Variants in ANKIB1 observed in about 807,000 individuals in gnomAD.
ANKIB1 encodes the protein ankyrin repeat and IBR domain-containing protein 1.
ANKIB1 carries 43 observed loss-of-function variants against 122.1 expected under a neutral mutation model. The ratio of observed to expected loss-of-function variants is 0.35; its 90% CI spans 0.28 to 0.45. The LOEUF is 0.45. Ranked by LOEUF, ANKIB1 falls within the 20% of genes least tolerant of loss-of-function variation. The pLI is 1.00. For synonymous variants in ANKIB1, 390 were observed against 442.0 expected (o/e 0.88, Z 1.48); for missense variants, 992 against 1,329.5 (o/e 0.75, Z 3.95).
At chr7:92,330,971 A>C (rs1214927247) in intron 5 of ANKIB1, among the ~76,000 whole-genome samples, 1 of 152,228 alleles carries the variant, frequency 6.6e-6, no homozygotes, top group Non-Finnish European at 1.5e-5. Flanking sequence ...GTTAGGGTTC[A>C]TAGCACCAGA....
chr7:92,368,545 C>T lies in ANKIB1; in HGVS notation c.1487-2932C>T, dbSNP rs573930212. ...CAGCCAAGTCAACATGGTGAAACCCCGTCTCTACTAAAAATACAAAAAAAA... is the reference window on the plus strand; with the variant it reads ...CAGCCAAGTCAACATGGTGAAACCCTGTCTCTACTAAAAATACAAAAAAAA... On this transcript the variant is annotated intron_variant, in intron 10 of 19. Coordinates refer to ENST00000265742, the MANE Select transcript of ANKIB1 (RefSeq NM_019004.2). 4.6e-5 allele frequency among the ~76,000 whole-genome samples: 7 copies of T among 151,874 alleles called. No individual in the cohort carries two copies. In the South Asian group the frequency reaches 1.2e-3, roughly 27 times the overall value.
At position 92,400,314 on chromosome 7, in the gene ANKIB1, C is replaced by T. The variant is rs1439864319; in HGVS notation, c.*1365C>T. 1 of 152,152 alleles carries T rather than the reference C, an allele frequency of 6.6e-6. No homozygotes were observed. Among genetic ancestry groups the T allele is most frequent in the East Asian group, 1.9e-4 (1 of 5,198 alleles). 9.4% of individuals were successfully genotyped at this position (152,152 alleles called of 1,614,324 possible). A position where few individuals can be genotyped will look rare whatever the true frequency, so the allele number is the denominator to read the frequency against. On this transcript the variant is annotated 3_prime_UTR_variant, in exon 20 of 20. Coordinates refer to ENST00000265742, the MANE Select transcript of ANKIB1 (RefSeq NM_019004.2). ...GTCTTACTGTGAAGAAAATACTGGT[C>T]TTAGTTGTAATTAGGATACAATGGT...
intron 1 of ANKIB1, among the ~76,000 whole-genome samples, chr7:92,273,192 A>G (rs906970452): frequency 1.3e-5 from 2 of 152,212 alleles, no homozygotes; most frequent in South Asian, 2.1e-4. Flanking sequence ...AATTCAAGAA[A>G]TAGAAAACTT....
chr7:92,271,036 A>G (rs1383597389), intron 1 of ANKIB1, among the ~76,000 whole-genome samples: 3 of 152,010 alleles, frequency 2.0e-5, no homozygotes, highest in Non-Finnish European at 4.4e-5. Context: ...CCCTAATCCC[A>G]GGTCATGAAA....
intron 5 of ANKIB1, 41 bp downstream of exon 5, chr7:92,327,941 A>C (rs1803062846): frequency 7.5e-7 from 1 of 1,328,638 alleles, no homozygotes; most frequent in Non-Finnish European, 1.0e-6. Context: ...AACATGAGTA[A>C]CTTTTGAAAC....
chr7:92,253,350 A>G (rs1361972480), intron 1 of ANKIB1, among the ~76,000 whole-genome samples: 1 of 152,108 alleles, frequency 6.6e-6, no homozygotes, highest in East Asian at 1.9e-4. Context: ...CTACTAACAC[A>G]CATCATTAAC....
intron 1 of ANKIB1, among the ~76,000 whole-genome samples, chr7:92,291,388 T>C (rs1031535804): frequency 6.6e-6 from 1 of 152,150 alleles, no homozygotes; most frequent in Non-Finnish European, 1.5e-5. Context: ...GTGATTATTA[T>C]GCATTGCATG....
rs571185556 is a variant in ANKIB1 at position 92,346,555 on chromosome 7, T to A, written c.1085+1489T>A. On this transcript the variant is annotated intron_variant, in intron 7 of 19. Coordinates refer to ENST00000265742, the MANE Select transcript of ANKIB1 (RefSeq NM_019004.2). ...AGATTCTACTCAGAGTCTACTTAGATAGGATCAGATCAGTATAGCTGTTAC... is the reference window on the plus strand; with the variant it reads ...AGATTCTACTCAGAGTCTACTTAGAAAGGATCAGATCAGTATAGCTGTTAC... Among the ~76,000 whole-genome samples the A allele has an allele frequency of 6.5e-4, 99 of 152,346 alleles. 1 individual carries two copies. Among genetic ancestry groups the A allele is most frequent in the Non-Finnish European group, 8.8e-5 (6 of 68,040 alleles).
chr7:92,301,010 G>A (rs553797810), intron 2 of ANKIB1, among the ~76,000 whole-genome samples: 26 of 152,178 alleles, frequency 1.7e-4, no homozygotes, highest in African/African-American at 5.8e-4. Context: ...CATCTATGTC[G>A]AAAATGGCAG....
At chr7:92,260,223 T>C (rs1025269311) in intron 1 of ANKIB1, among the ~76,000 whole-genome samples, 2 of 152,176 alleles carry the variant, frequency 1.3e-5, no homozygotes, top group African/African-American at 4.8e-5. Flanking sequence ...ATCCTACTAG[T>C]TTCTTCCTTA....
At chr7:92,310,694 A>T (rs780998532) in intron 3 of ANKIB1, among the ~76,000 whole-genome samples, 2 of 152,178 alleles carry the variant, frequency 1.3e-5, no homozygotes, top group Admixed American at 6.5e-5. Context: ...ACCTACACAC[A>T]TCCTCCTTAT....
At chr7:92,362,726 A>G (rs1803980681) in intron 10 of ANKIB1, among the ~76,000 whole-genome samples, 1 of 152,222 alleles carries the variant, frequency 6.6e-6, no homozygotes, top group African/African-American at 2.4e-5. Context: ...GTTAAATACC[A>G]TATAGACAAG....
At chr7:92,316,657 T>C (rs545649173) in intron 3 of ANKIB1, among the ~76,000 whole-genome samples, 28 of 152,288 alleles carry the variant, frequency 1.8e-4, no homozygotes, top group African/African-American at 6.3e-4. Flanking sequence ...AGTTTACCAA[T>C]CATTCTCACC....
Position 92,274,130 on chromosome 7 carries a change from T to C in ANKIB1, c.-90-20759T>C, listed in dbSNP as rs142709829. The stretch of plus-strand genomic sequence containing the variant: ...TGTTTCCAGTCAAGAATTTATTTTA[T>C]CTCCCTCCCCTGAACTACTGATATT... On this transcript the variant is annotated intron_variant, in intron 1 of 19. Coordinates refer to ENST00000265742, the MANE Select transcript of ANKIB1 (RefSeq NM_019004.2). Among the ~76,000 whole-genome samples, 242 of 152,218 alleles carry C rather than the reference T, an allele frequency of 1.6e-3. 2 individuals are homozygous for C. The highest frequency in any genetic ancestry group is 5.6e-3 in the African/African-American group (231 of 41,538).
intron 11 of ANKIB1, among the ~76,000 whole-genome samples, chr7:92,371,912 CCG>C (rs1306156891): frequency 6.6e-6 from 1 of 151,004 alleles, no homozygotes; most frequent in Non-Finnish European, 1.5e-5. Context: ...GTCACCTTCC[CCG>C]CTAGTCACCT....
intron 17 of ANKIB1, among the ~76,000 whole-genome samples, chr7:92,392,744 G>A (rs892589219): frequency 1.3e-5 from 2 of 152,042 alleles, no homozygotes; most frequent in African/African-American, 4.8e-5. Flanking sequence ...TAATGTATAT[G>A]CAGAAAGAAA....
At chr7:92,396,210 T>G (rs1804886102) in intron 17 of ANKIB1, 155 bp from the exon 18 acceptor site, 1 of 619,396 alleles carries the variant, frequency 1.6e-6, no homozygotes, top group Non-Finnish European at 2.9e-6. Flanking sequence ...TTGTGTTTCC[T>G]TGGCATGGCA....
chr7:92,351,592 G>A (rs1339339695), intron 8 of ANKIB1, among the ~76,000 whole-genome samples: 1 of 151,386 alleles, frequency 6.6e-6, no homozygotes, highest in Non-Finnish European at 1.5e-5. Context: ...TTTTTCAGAA[G>A]TTGTAAGTGT....
intron 9 of ANKIB1, among the ~76,000 whole-genome samples, chr7:92,357,535 A>G (rs1223136090): frequency 6.6e-6 from 1 of 151,926 alleles, no homozygotes; most frequent in African/African-American, 2.4e-5. Context: ...AGGAATTCGA[A>G]ACCAGCCTGG....
Sources: allele counts gnomAD v4.1 joint callset (sites outside exome capture counted in the v4.1 genomes callset), GRCh38; gene constraint gnomAD v4.1.1; transcripts MANE v1.5; gene names NCBI Gene and HGNC (gene_info 2026-07-23, HGNC 2026-07-21).